KIRREL3: variants seen among roughly 807,000 people sequenced by gnomAD.
The protein encoded by KIRREL3 is kin of IRRE-like protein 3.
A neutral mutation model predicts 89.7 loss-of-function variants in KIRREL3; 36 were observed. The observed-to-expected ratio is 0.40, with a 90% CI of 0.31 to 0.53. KIRREL3 has a LOEUF of 0.53. KIRREL3 is among the 20% of genes least tolerant of loss of function. The probability of loss-of-function intolerance (pLI) is 0.49; values close to 1 mark genes in which losing one functional copy is unlikely to be tolerated. For synonymous variants in KIRREL3, 445 were observed against 441.4 expected, an observed-to-expected ratio of 1.01 and a Z score of -0.10; for missense variants, 864 against 1,056.6, an observed-to-expected ratio of 0.82 and a Z score of 2.53.
At chr11:126,819,980 C>G (rs1232119741) in intron 1 of KIRREL3, among the ~76,000 whole-genome samples, 1 of 152,214 alleles carries the variant, frequency 6.6e-6, no homozygotes, top group Non-Finnish European at 1.5e-5. Flanking sequence ...TAATGAACAG[C>G]TCATTAAGAT....
At chr11:126,626,591 C>T (rs577164822) in intron 1 of KIRREL3, among the ~76,000 whole-genome samples, 3 of 152,278 alleles carry the variant, frequency 2.0e-5, no homozygotes, top group African/African-American at 4.8e-5. Context: ...GGGCTTGCAG[C>T]GGTGACTACT....
intron 1 of KIRREL3, among the ~76,000 whole-genome samples, chr11:126,937,590 A>G (rs1259619979): frequency 2.6e-5 from 4 of 152,148 alleles, no homozygotes; most frequent in Non-Finnish European, 5.9e-5. Flanking sequence ...TGCCTGAAAC[A>G]AGGATGATGC....
intron 1 of KIRREL3, among the ~76,000 whole-genome samples, chr11:126,966,415 C>T (rs921645341): frequency 1.3e-5 from 2 of 152,104 alleles, no homozygotes; most frequent in African/African-American, 4.8e-5. Context: ...TTATCTTGGG[C>T]GTATTGATTG....
At chr11:126,856,430 T>C (rs1944510468) in intron 1 of KIRREL3, among the ~76,000 whole-genome samples, 1 of 152,060 alleles carries the variant, frequency 6.6e-6, no homozygotes, top group Admixed American at 6.6e-5. Flanking sequence ...AACGTAAATG[T>C]AACACTTGCT....
chr11:126,799,954 A>T (rs1950980000), intron 1 of KIRREL3, among the ~76,000 whole-genome samples: 1 of 152,176 alleles, frequency 6.6e-6, no homozygotes, highest in South Asian at 2.1e-4. Flanking sequence ...CAGCTGCTGT[A>T]GAATCATCTC....
At position 126,973,095 on chromosome 11, in the gene KIRREL3, T is replaced by A. The variant is rs1189142429; in HGVS notation, c.55+27360A>T. Among the ~76,000 whole-genome samples the A allele has an allele frequency of 3.7e-5, 3 of 81,710 alleles. No individual in the cohort carries two copies. In the East Asian group the frequency reaches 8.2e-4, roughly 22 times the overall value. The allele number at this position is 81,710 out of a possible 152,430, so 53.6% of individuals were successfully genotyped here. On this transcript the variant is annotated intron_variant, in intron 1 of 16. Coordinates refer to ENST00000525144, the MANE Select transcript of KIRREL3 (RefSeq NM_032531.4). ...CTTATTCCACTGCCAACTCTAAGTT[T>A]TGAGGAAAAAAAAAAAAAAAAAAAA...
Position 126,473,338 on chromosome 11 carries a change from C to G in KIRREL3, c.562G>C (p.Glu188Gln). Reference sequence around the variant, plus strand: ...GAGTAGGTGGCCCCATTGATGACCTCTCCCTTTCGCAACCAGATGATGGAG... The same window carrying G: ...GAGTAGGTGGCCCCATTGATGACCTGTCCCTTTCGCAACCAGATGATGGAG... ...AASIIWLRKGEVINGATYSKT... is the reference protein window; with the variant it reads ...AASIIWLRKGQVINGATYSKT... The change falls in exon 5 of 17, where the codon GAG becomes CAG. Residue 188 changes from glutamate to glutamine, a missense_variant. Physicochemically the swap from Glu to Gln is conservative, Grantham distance 29 (BLOSUM62 2). Transcript: ENST00000525144. The G allele has an allele frequency of 6.9e-7, 1 of 1,454,846 alleles. No homozygotes were observed. Among genetic ancestry groups the G allele is most frequent in the Non-Finnish European group, 9.2e-7 (1 of 1,090,942 alleles). The allele number at this position is 1,454,846 out of a possible 1,614,324, so 90.1% of individuals were successfully genotyped here.
intron 1 of KIRREL3, among the ~76,000 whole-genome samples, chr11:126,625,224 G>C (rs1464775496): frequency 6.6e-6 from 1 of 152,116 alleles, no homozygotes; most frequent in African/African-American, 2.4e-5. Flanking sequence ...CTTCCTCAAG[G>C]TCACTCAGCT....
rs1326489133 is a variant in KIRREL3, at chr11:126,686,283, G to T, written c.56-123371C>A. Among the ~76,000 whole-genome samples the T allele has an allele frequency of 6.6e-6, 1 of 152,200 alleles. No homozygotes were observed. On this transcript the variant is annotated intron_variant, in intron 1 of 16. Coordinates refer to ENST00000525144, the MANE Select transcript of KIRREL3 (RefSeq NM_032531.4). This position sits in a 1 kb window ranked among gnomAD's most constrained non-coding sequence, Gnocchi z 4.7. ...CTTTCCCAAGGCCTGCTCCAGACTG[G>T]TGGCCTTTTTATGGAGGTTAGCATT...
intron 8 of KIRREL3, among the ~76,000 whole-genome samples, chr11:126,447,893 G>A (rs1214393498): frequency 6.6e-6 from 1 of 152,230 alleles, no homozygotes; most frequent in Admixed American, 6.5e-5. Context: ...AACTGTAAGG[G>A]GCGGTGCATG....
intron 1 of KIRREL3, among the ~76,000 whole-genome samples, chr11:126,743,552 T>C (rs1200876195): frequency 2.6e-5 from 4 of 152,236 alleles, no homozygotes; most frequent in Non-Finnish European, 5.9e-5. Context: ...AAATGGGGTA[T>C]TTAAATCTTT....
intron 1 of KIRREL3, among the ~76,000 whole-genome samples, chr11:126,680,774 G>T (rs910084392): frequency 1.3e-5 from 2 of 151,374 alleles, no homozygotes; most frequent in Admixed American, 6.6e-5. Context: ...GAAGCCCATA[G>T]CTAGGAAATT....
chr11:126,880,373 GTC>G (rs1945452616), intron 1 of KIRREL3, among the ~76,000 whole-genome samples: 1 of 152,066 alleles, frequency 6.6e-6, no homozygotes, highest in South Asian at 2.1e-4. Context: ...TCGTCCCTTC[GTC>G]TCTGGTTCCA....
In KIRREL3 at chr11:126,486,283, A is replaced by G. The variant is rs1957357241; in HGVS notation, c.434-12817T>C. Among the ~76,000 whole-genome samples, 1 of 152,028 alleles carries G rather than the reference A, an allele frequency of 6.6e-6. No homozygotes were observed. On this transcript the variant is annotated intron_variant, in intron 4 of 16. Coordinates refer to ENST00000525144, the MANE Select transcript of KIRREL3 (RefSeq NM_032531.4). The surrounding 1 kb of genome is among the most constrained non-coding windows in gnomAD (Gnocchi z 6.2). Reference sequence around the variant, plus strand: ...CTTGGGAGAGGCCAGCAGAGAAGGGACAGTGGGGTGGGGGAGTGCATCAAA... The same window carrying G: ...CTTGGGAGAGGCCAGCAGAGAAGGGGCAGTGGGGTGGGGGAGTGCATCAAA...
chr11:126,702,011 C>A (rs1042601778), intron 1 of KIRREL3, among the ~76,000 whole-genome samples: 51 of 152,222 alleles, frequency 3.4e-4, no homozygotes, highest in African/African-American at 1.1e-3. Flanking sequence ...AGGGTAATAA[C>A]CTACCTCCCT....
chr11:126,873,991 C>T (rs1173324420), intron 1 of KIRREL3, among the ~76,000 whole-genome samples: 1 of 152,180 alleles, frequency 6.6e-6, no homozygotes, highest in Non-Finnish European at 1.5e-5. Context: ...GTGGTTTGCA[C>T]CGTCAAGACA....
In KIRREL3 at chr11:126,876,241, C is replaced by T. The variant is rs370649853; in HGVS notation, c.55+124214G>A. ...TCTTTTCATGGACCAAGATTTGCTG[C>T]GGCTGACCTGCAGAGGTGCTGTTCA... On this transcript the variant is annotated intron_variant, in intron 1 of 16. Transcript: ENST00000525144. The surrounding 1 kb of genome is among the most constrained non-coding windows in gnomAD (Gnocchi z 4.1). Among the ~76,000 whole-genome samples the T allele has an allele frequency of 6.6e-6, 1 of 152,198 alleles. No individual in the cohort carries two copies. The highest frequency in any genetic ancestry group is 1.5e-5 in the Non-Finnish European group (1 of 68,044).
In KIRREL3 at chr11:126,611,155, C is replaced by A. The variant is rs1368012597; in HGVS notation, c.56-48243G>T. The stretch of plus-strand genomic sequence containing the variant: ...TCAACTGAAGTCACAAAGACCTAAT[C>A]TGGGAGGTGGGAATAGTCATAGAAA... On this transcript the variant is annotated intron_variant, in intron 1 of 16. Transcript: ENST00000525144. The surrounding 1 kb of genome is among the most constrained non-coding windows in gnomAD (Gnocchi z 4.7). Among the ~76,000 whole-genome samples the A allele has an allele frequency of 6.6e-6, 1 of 152,182 alleles. No individual in the cohort carries two copies. The highest frequency in any genetic ancestry group is 2.4e-5 in the African/African-American group (1 of 41,452).
In KIRREL3 at chr11:126,544,485, T is replaced by C. The variant is rs563084975; in HGVS notation, c.134-17798A>G. 2.5e-4 allele frequency among the ~76,000 whole-genome samples: 38 copies of C among 152,260 alleles called. No individual in the cohort carries two copies. The highest frequency in any genetic ancestry group is 3.4e-3 in the Middle Eastern group (1 of 294). ...AGAGTTGGCTGGCAGACTGCTTCCT[T>C]CCCTTGATTTATTGCAGGATGATAG... On this transcript the variant is annotated intron_variant, in intron 2 of 16. Transcript: ENST00000525144. This position sits in a 1 kb window ranked among gnomAD's most constrained non-coding sequence, Gnocchi z 5.6.
Sources: allele counts gnomAD v4.1 joint callset (sites outside exome capture counted in the v4.1 genomes callset), GRCh38; gene constraint gnomAD v4.1.1; non-coding constraint Gnocchi (gnomAD v3.1); transcripts MANE v1.5; gene names NCBI Gene and HGNC (gene_info 2026-07-23, HGNC 2026-07-21).